The following COL27A1 variants were observed in gnomAD, a reference collection of about 807,000 sequenced individuals.
The protein encoded by COL27A1 is collagen alpha-1(XXVII) chain.
COL27A1 carries 106 observed loss-of-function variants against 251.3 expected under a neutral mutation model. The observed-to-expected ratio is 0.42, with a 90% CI of 0.36 to 0.50. The LOEUF (loss-of-function observed/expected upper bound fraction) is 0.50, where lower values mean the gene tolerates loss of function less well. Among genes scored for constraint, COL27A1 ranks in the 20% least tolerant of loss-of-function variants. The pLI, the probability that COL27A1 is intolerant of heterozygous loss-of-function variation, is 0.00. For missense variants in COL27A1, 2,325 were observed against 2,522.8 expected, an observed-to-expected ratio of 0.92 and a Z score of 1.68; for synonymous variants, 1,000 against 986.3, an observed-to-expected ratio of 1.01 and a Z score of -0.26.
chr9:114,229,598 G>T (rs1266055453), intron 14 of COL27A1, among the ~76,000 whole-genome samples: 1 of 152,232 alleles, frequency 6.6e-6, no homozygotes, highest in African/African-American at 2.4e-5. Flanking sequence ...GCCTGATCGG[G>T]TAGCAGGAAA....
chr9:114,229,825 G>A (rs976258766), intron 14 of COL27A1, among the ~76,000 whole-genome samples: 7 of 152,166 alleles, frequency 4.6e-5, no homozygotes, highest in African/African-American at 1.4e-4. Flanking sequence ...AAAGTCAGCC[G>A]CTTCTTCACT....
intron 55 of COL27A1, 57 bp from the exon 56 acceptor site, chr9:114,302,025 C>T: frequency 1.3e-6 from 2 of 1,539,956 alleles, no homozygotes; most frequent in Admixed American, 1.7e-5. Flanking sequence ...CTGACACCCT[C>T]TCAGATTCCA....
At chr9:114,264,510 C>A (rs1834595824) in intron 29 of COL27A1, 102 bp downstream of exon 29, 1 of 923,740 alleles carries the variant, frequency 1.1e-6, no homozygotes. Flanking sequence ...TTAGGGACAA[C>A]AAAGGGAGCC....
intron 4 of COL27A1, among the ~76,000 whole-genome samples, chr9:114,179,352 A>G (rs1438055566): frequency 6.6e-6 from 1 of 152,112 alleles, no homozygotes; most frequent in Non-Finnish European, 1.5e-5. Flanking sequence ...TGGGGACCAC[A>G]TAGATATCAC....
intron 13 of COL27A1, among the ~76,000 whole-genome samples, chr9:114,221,115 C>G (rs960120208): frequency 2.6e-5 from 4 of 152,022 alleles, no homozygotes; most frequent in African/African-American, 9.7e-5. Flanking sequence ...GGGGTATAGT[C>G]CTGCCTTTGA....
chr9:114,289,034 G>A, intron 44 of COL27A1, 67 bp downstream of exon 44: 1 of 1,582,456 alleles, frequency 6.3e-7, no homozygotes, highest in South Asian at 1.1e-5. Context: ...GGGAATTAAA[G>A]AACTAGGCCC....
intron 41 of COL27A1, among the ~76,000 whole-genome samples, chr9:114,285,526 T>G (rs1827411022): frequency 6.6e-6 from 1 of 152,152 alleles, no homozygotes; most frequent in Non-Finnish European, 1.5e-5. Flanking sequence ...CTGGAACGCT[T>G]CGCTTGCCCC....
chr9:114,279,048 C>T (rs1835745744), intron 37 of COL27A1, among the ~76,000 whole-genome samples: 1 of 152,184 alleles, frequency 6.6e-6, no homozygotes. Context: ...TCCCGTCTCC[C>T]TGCCCCTGTA....
Position 114,250,547 on chromosome 9 carries a change from G to C in COL27A1, c.2980-68G>C, listed in dbSNP as rs528892754. ...GACACCTGGGAGATGAGCTTCAGGG[G>C]AAGGAGCGGGAGGGCTGGGTCCCCG... On this transcript the variant is annotated intron_variant, in intron 24 of 60. Coordinates refer to ENST00000356083, the MANE Select transcript of COL27A1 (RefSeq NM_032888.4). 7.2e-5 allele frequency: 104 copies of C among 1,439,890 alleles called. No homozygotes were observed. The African/African-American group carries it at 9.8e-4, about 14-fold the overall frequency. 89.2% of individuals were successfully genotyped at this position (1,439,890 alleles called of 1,614,324 possible).
chr9:114,206,183 C>T, intron 9 of COL27A1, 69 bp from the exon 10 acceptor site: 1 of 1,506,302 alleles, frequency 6.6e-7, no homozygotes, highest in Non-Finnish European at 9.2e-7. Flanking sequence ...AGAGGCAGGA[C>T]TTGCCCCAGG....
chr9:114,198,159 C>A (rs968341825), intron 7 of COL27A1, among the ~76,000 whole-genome samples: 38 of 152,214 alleles, frequency 2.5e-4, no homozygotes, highest in African/African-American at 8.2e-4. Context: ...GAATTTTTGT[C>A]ATTCTGAGGC....
At chr9:114,275,417 C>T (rs1813014803) in intron 36 of COL27A1, among the ~76,000 whole-genome samples, 1 of 152,322 alleles carries the variant, frequency 6.6e-6, no homozygotes, top group South Asian at 2.1e-4. Context: ...GCAGCCCAGG[C>T]CCAGGCAGGG....
intron 7 of COL27A1, among the ~76,000 whole-genome samples, chr9:114,199,730 TGCTTA>T (rs1829438340): frequency 6.6e-6 from 1 of 152,190 alleles, no homozygotes; most frequent in South Asian, 2.1e-4. Context: ...GTCAACACAT[TGCTTA>T]GACTGGACAG....
chr9:114,220,590 C>T (rs747168244), intron 13 of COL27A1, among the ~76,000 whole-genome samples: 25 of 152,216 alleles, frequency 1.6e-4, no homozygotes, highest in Non-Finnish European at 2.8e-4. Context: ...CAGAACCCTG[C>T]GGACCTGGGT....
intron 1 of COL27A1, among the ~76,000 whole-genome samples, chr9:114,157,366 C>T (rs920396405): frequency 6.6e-6 from 1 of 152,240 alleles, no homozygotes; most frequent in African/African-American, 2.4e-5. Context: ...TCCAGCATGC[C>T]TCTGCTCTCC....
At chr9:114,252,251 C>T (rs1185227459) in intron 25 of COL27A1, among the ~76,000 whole-genome samples, 1 of 152,156 alleles carries the variant, frequency 6.6e-6, no homozygotes, top group Non-Finnish European at 1.5e-5. Context: ...CCAGGGGATG[C>T]CAGGCCTAAT....
At chr9:114,292,404 G>T (rs1015598279) in intron 49 of COL27A1, among the ~76,000 whole-genome samples, 194 bp downstream of exon 49, 3 of 152,142 alleles carry the variant, frequency 2.0e-5, no homozygotes, top group Non-Finnish European at 2.9e-5. Context: ...ACCAGGTGGT[G>T]GGGGAGGCTG....
chr9:114,179,653 C>CCTGA (rs1827737288), intron 4 of COL27A1, among the ~76,000 whole-genome samples: 1 of 152,230 alleles, frequency 6.6e-6, no homozygotes, highest in Non-Finnish European at 1.5e-5. Context: ...TGCTGAGCCA[C>CCTGA]ATGTGCAGGA....
intron 1 of COL27A1, among the ~76,000 whole-genome samples, chr9:114,162,415 G>C (rs1848560079): frequency 6.6e-6 from 1 of 152,238 alleles, no homozygotes; most frequent in Non-Finnish European, 1.5e-5. Flanking sequence ...ATGTTCCAAT[G>C]ACCAGGGCAG....
Sources: gnomAD v4.1 joint callset for allele counts (sites outside exome capture counted in the v4.1 genomes callset) on GRCh38, gnomAD v4.1.1 for gene constraint, MANE v1.5 for transcripts, NCBI Gene and HGNC (gene_info 2026-07-23, HGNC 2026-07-21) for gene names.